The following MYO3B variants were observed in gnomAD, a reference collection of about 807,000 sequenced individuals.
The protein encoded by MYO3B is myosin IIIB.
MYO3B carries 156 observed loss-of-function variants against 174.6 expected under a neutral mutation model. That is an observed-to-expected ratio of 0.89 (90% confidence interval 0.78 to 1.02). The LOEUF is 1.02. Ranked by LOEUF, MYO3B falls within the 50% of genes least tolerant of loss-of-function variation. MYO3B has a pLI of 0.00. For missense variants in MYO3B, 1,632 were observed against 1,639.4 expected, an observed-to-expected ratio of 1.00 and a Z score of 0.08; for synonymous variants, 563 against 569.1, an observed-to-expected ratio of 0.99 and a Z score of 0.15.
intron 7 of MYO3B, among the ~76,000 whole-genome samples, chr2:170,267,034 G>T (rs2093388909): frequency 1.3e-5 from 2 of 152,154 alleles, no homozygotes; most frequent in Non-Finnish European, 1.5e-5. Flanking sequence ...CATTTTTCTA[G>T]AGATATATTT....
At chr2:170,523,643 A>G (rs928552259) in intron 30 of MYO3B, among the ~76,000 whole-genome samples, 3 of 152,194 alleles carry the variant, frequency 2.0e-5, no homozygotes, top group Non-Finnish European at 2.9e-5. Context: ...GCAAAGACAC[A>G]GGCCCCTTGC....
intron 25 of MYO3B, among the ~76,000 whole-genome samples, chr2:170,479,756 A>G (rs921403580): frequency 1.4e-5 from 2 of 147,736 alleles, no homozygotes; most frequent in Non-Finnish European, 3.0e-5. Flanking sequence ...ACATATGTGT[A>G]TATGTTGTAA....
At chr2:170,190,715 C>T (rs2092530403) in intron 1 of MYO3B, among the ~76,000 whole-genome samples, 1 of 152,072 alleles carries the variant, frequency 6.6e-6, no homozygotes, top group African/African-American at 2.4e-5. Context: ...TGAATGCTGC[C>T]AGGCCTGGGA....
Position 170,206,266 on chromosome 2 carries a change from T to A in MYO3B, c.321+5982T>A, listed in dbSNP as rs2092712688. On this transcript the variant is annotated intron_variant, in intron 3 of 34. Transcript: ENST00000408978. This position sits in a 1 kb window ranked among gnomAD's most constrained non-coding sequence, Gnocchi z 4.3. ...CTTCAAACTCATTGTAAATGTTACA[T>A]CCTCTGGGAAGTTTTCCTAGACTGT... Among the ~76,000 whole-genome samples the A allele has an allele frequency of 6.6e-6, 1 of 152,178 alleles. No homozygotes were observed. The highest frequency in any genetic ancestry group is 3.2e-3 in the Middle Eastern group (1 of 316).
At chr2:170,406,049 A>G (rs142217005) in intron 21 of MYO3B, among the ~76,000 whole-genome samples, 3 of 152,288 alleles carry the variant, frequency 2.0e-5, no homozygotes, top group African/African-American at 4.8e-5. Context: ...AGGGCCCCAA[A>G]ATGTCCAGAT....
intron 32 of MYO3B, among the ~76,000 whole-genome samples, chr2:170,631,916 C>T (rs1235570947): frequency 3.3e-5 from 5 of 152,060 alleles, no homozygotes; most frequent in African/African-American, 1.2e-4. Flanking sequence ...CATTACATAA[C>T]GGTAAAGAGA....
chr2:170,301,507 T>C lies in MYO3B; in HGVS notation c.750-33878T>C, dbSNP rs145229145. The stretch of plus-strand genomic sequence containing the variant: ...TAATGTGGGATGTAACTAAAACATT[T>C]CTCTCCATTCACACTCTTCTACTAC... On this transcript the variant is annotated intron_variant, in intron 7 of 34. Coordinates refer to ENST00000408978, the MANE Select transcript of MYO3B (RefSeq NM_138995.5). Among the ~76,000 whole-genome samples, 294 of 152,272 alleles carry C rather than the reference T, an allele frequency of 1.9e-3. 1 individual carries two copies. The highest frequency in any genetic ancestry group is 6.9e-3 in the African/African-American group (286 of 41,554).
At chr2:170,445,695 C>T (rs1291257265) in intron 23 of MYO3B, among the ~76,000 whole-genome samples, 2 of 152,026 alleles carry the variant, frequency 1.3e-5, no homozygotes, top group Non-Finnish European at 2.9e-5. Context: ...AGTGTAGTGG[C>T]ATGATCATAT....
chr2:170,594,348 C>T (rs1411393641), intron 32 of MYO3B, among the ~76,000 whole-genome samples: 5 of 151,928 alleles, frequency 3.3e-5, no homozygotes, highest in Non-Finnish European at 5.9e-5. Context: ...GAGAAGAGAG[C>T]GGAGATGAGA....
chr2:170,319,788 A>G (rs1358568280), intron 7 of MYO3B, among the ~76,000 whole-genome samples: 1 of 152,228 alleles, frequency 6.6e-6, no homozygotes, highest in East Asian at 1.9e-4. Context: ...GGAAAAATCA[A>G]TTGATCATGT....
intron 1 of MYO3B, among the ~76,000 whole-genome samples, chr2:170,180,432 C>T (rs186227636): frequency 6.6e-6 from 1 of 152,280 alleles, no homozygotes; most frequent in Non-Finnish European, 1.5e-5. Flanking sequence ...CTCTTTGTCT[C>T]ACTCTCTCAA....
intron 7 of MYO3B, among the ~76,000 whole-genome samples, chr2:170,239,330 T>A (rs2093105803): frequency 6.6e-6 from 1 of 152,246 alleles, no homozygotes; most frequent in Non-Finnish European, 1.5e-5. Flanking sequence ...TATACAATTA[T>A]GTTGGTCTCT....
At chr2:170,391,371 A>T (rs2094410549) in intron 14 of MYO3B, 149 bp from the exon 15 acceptor site, 2 of 528,516 alleles carry the variant, frequency 3.8e-6, no homozygotes, top group Admixed American at 7.8e-5. Context: ...TAATCCTATC[A>T]CTATTCTGTA....
intron 25 of MYO3B, among the ~76,000 whole-genome samples, chr2:170,491,478 T>C (rs1051922731): frequency 6.6e-6 from 1 of 152,032 alleles, no homozygotes; most frequent in Non-Finnish European, 1.5e-5. Flanking sequence ...CAGGCTGGAG[T>C]GCAGTGGCGC....
At chr2:170,221,454 A>G (rs1433435752) in intron 6 of MYO3B, among the ~76,000 whole-genome samples, 5 of 152,294 alleles carry the variant, frequency 3.3e-5, no homozygotes, top group African/African-American at 7.2e-5. Flanking sequence ...CCACAGTACA[A>G]TCAAATGTTG....
intron 7 of MYO3B, among the ~76,000 whole-genome samples, chr2:170,305,951 G>A (rs1336465153): frequency 6.6e-6 from 1 of 152,112 alleles, no homozygotes; most frequent in Non-Finnish European, 1.5e-5. Context: ...TTTGGGGTCA[G>A]GAATCAGGGC....
At chr2:170,241,570 GCCT>G (rs2093134144) in intron 7 of MYO3B, among the ~76,000 whole-genome samples, 1 of 152,150 alleles carries the variant, frequency 6.6e-6, no homozygotes, top group South Asian at 2.1e-4. Flanking sequence ...TCAGTTTACT[GCCT>G]CCTCCTCATT....
At chr2:170,346,480 A>G (rs2094016921) in intron 8 of MYO3B, 1 of 152,238 alleles carries the variant, frequency 6.6e-6, no homozygotes, top group Non-Finnish European at 1.5e-5. Context: ...TCAAGTATTA[A>G]TATGACACCA....
intron 22 of MYO3B, among the ~76,000 whole-genome samples, chr2:170,417,094 G>T (rs1405037363): frequency 1.3e-5 from 2 of 152,124 alleles, no homozygotes; most frequent in Admixed American, 1.3e-4. Context: ...AAAGTGTTGG[G>T]ATTATAGGCT....
Sources: allele counts gnomAD v4.1 joint callset (sites outside exome capture counted in the v4.1 genomes callset), GRCh38; gene constraint gnomAD v4.1.1; non-coding constraint Gnocchi (gnomAD v3.1); transcripts MANE v1.5; gene names NCBI Gene and HGNC (gene_info 2026-07-23, HGNC 2026-07-21).